The following ROR1 variants were observed in gnomAD, a reference collection of about 807,000 sequenced individuals.
The protein encoded by ROR1 is inactive tyrosine-protein kinase transmembrane receptor ROR1.
A neutral mutation model predicts 78.8 loss-of-function variants in ROR1; 19 were observed. The observed-to-expected ratio is 0.24, with a 90% CI of 0.17 to 0.35. The LOEUF is 0.35. ROR1 is among the 10% of genes least tolerant of loss of function. The pLI, the probability that ROR1 is intolerant of heterozygous loss-of-function variation, is 1.00. For missense variants in ROR1, 917 were observed against 1,177.8 expected (o/e 0.78, Z 3.24); for synonymous variants, 386 against 433.6 (o/e 0.89, Z 1.36).
At chr1:63,844,791 ATT>A (rs1645070976) in intron 1 of ROR1, among the ~76,000 whole-genome samples, 1 of 152,278 alleles carries the variant, frequency 6.6e-6, no homozygotes, top group Non-Finnish European at 1.5e-5. Flanking sequence ...GGCAATCCTA[ATT>A]ACTCCCTTTC....
intron 4 of ROR1, among the ~76,000 whole-genome samples, chr1:64,084,258 G>A (rs771088336): frequency 6.6e-6 from 1 of 152,182 alleles, no homozygotes; most frequent in South Asian, 2.1e-4. Flanking sequence ...TAGGTTGACT[G>A]GAGAAGAAAT....
At chr1:64,018,295 G>T (rs1646537751) in intron 2 of ROR1, among the ~76,000 whole-genome samples, 1 of 152,258 alleles carries the variant, frequency 6.6e-6, no homozygotes, top group South Asian at 2.1e-4. Context: ...TCAGTTTCCT[G>T]CTTCTCCTTC....
chr1:63,974,020 A>T (rs146699768), intron 1 of ROR1, among the ~76,000 whole-genome samples: 114 of 152,364 alleles, frequency 7.5e-4, no homozygotes, highest in Non-Finnish European at 1.3e-3. Context: ...CTAAACACTC[A>T]TAAGTTCATC....
chr1:64,062,346 C>G (rs1206802860), intron 4 of ROR1, among the ~76,000 whole-genome samples: 2 of 152,122 alleles, frequency 1.3e-5, no homozygotes, highest in Non-Finnish European at 2.9e-5. Flanking sequence ...GAGTCTTGCT[C>G]TGTTGCCCAG....
intron 1 of ROR1, among the ~76,000 whole-genome samples, chr1:63,959,183 A>G (rs1646007663): frequency 6.6e-6 from 1 of 152,172 alleles, no homozygotes; most frequent in Non-Finnish European, 1.5e-5. Context: ...CAAAAGGGGG[A>G]AAAGCCCCTT....
At chr1:63,839,320 G>A (rs559709142) in intron 1 of ROR1, among the ~76,000 whole-genome samples, 54 of 151,870 alleles carry the variant, frequency 3.6e-4, no homozygotes, top group African/African-American at 1.2e-3. Context: ...GTAATGTTTT[G>A]GTAAAAGAAT....
chr1:63,774,266 C>T lies in ROR1; in HGVS notation c.-152C>T. ...AGGCGGCCAGGCGGAGGCGAGGGAG[C>T]AGGTTAGAGGGACAAAGAGCTTTGC... is the stretch of plus-strand genomic sequence containing the variant. On this transcript the variant is annotated 5_prime_UTR_variant, in exon 1 of 9. Transcript: ENST00000371079. This position sits in a 1 kb window ranked among gnomAD's most constrained non-coding sequence, Gnocchi z 5.7. 1 of 334,998 alleles carries T rather than the reference C, an allele frequency of 3.0e-6. No homozygotes were observed. Among genetic ancestry groups the T allele is most frequent in the South Asian group, 4.6e-5 (1 of 21,898 alleles). 20.8% of individuals were successfully genotyped at this position (334,998 alleles called of 1,614,324 possible). A position where few individuals can be genotyped will look rare whatever the true frequency, so the allele number is the denominator to read the frequency against.
chr1:63,775,485 G>A (rs1644611301), intron 1 of ROR1: 2 of 152,064 alleles, frequency 1.3e-5, no homozygotes, highest in African/African-American at 4.8e-5. Flanking sequence ...CCCTTGAGGG[G>A]GTGAGGAGCC....
intron 4 of ROR1, among the ~76,000 whole-genome samples, chr1:64,059,178 ATT>A (rs1427239003): frequency 6.6e-6 from 1 of 151,852 alleles, no homozygotes; most frequent in Non-Finnish European, 1.5e-5. Flanking sequence ...AATTTTAATA[ATT>A]TGTGTCTTTT....
chr1:64,033,958 G>A (rs940400384), intron 2 of ROR1, among the ~76,000 whole-genome samples: 1 of 152,150 alleles, frequency 6.6e-6, no homozygotes, highest in Non-Finnish European at 1.5e-5. Flanking sequence ...TCTCTTTACT[G>A]TGATTCAGAT....
intron 1 of ROR1, among the ~76,000 whole-genome samples, chr1:63,782,143 G>A (rs1010462155): frequency 2.0e-4 from 31 of 152,124 alleles, no homozygotes; most frequent in Non-Finnish European, 4.3e-4. Context: ...AGATGAATAA[G>A]GTTAGATCAT....
At chr1:63,946,740 C>A (rs1292865315) in intron 1 of ROR1, among the ~76,000 whole-genome samples, 1 of 152,118 alleles carries the variant, frequency 6.6e-6, no homozygotes, top group African/African-American at 2.4e-5. Flanking sequence ...TACATCCAGG[C>A]TCTGTATATC....
At chr1:63,971,091 G>T (rs1286971343) in intron 1 of ROR1, among the ~76,000 whole-genome samples, 1 of 152,164 alleles carries the variant, frequency 6.6e-6, no homozygotes, top group Non-Finnish European at 1.5e-5. Flanking sequence ...TAAGCCCTCT[G>T]TGATCACATC....
chr1:64,116,700 C>T (rs1464124946), intron 4 of ROR1, among the ~76,000 whole-genome samples: 2 of 152,096 alleles, frequency 1.3e-5, no homozygotes, highest in African/African-American at 4.8e-5. Context: ...TCTACTCTTC[C>T]CTTTGGCACC....
At chr1:64,006,656 T>C (rs766818506) in intron 1 of ROR1, among the ~76,000 whole-genome samples, 4 of 152,238 alleles carry the variant, frequency 2.6e-5, no homozygotes, top group Non-Finnish European at 5.9e-5. Flanking sequence ...CCTGCCATAC[T>C]GCCTATCTGA....
At chr1:63,790,779 G>A (rs991694568) in intron 1 of ROR1, among the ~76,000 whole-genome samples, 1 of 152,122 alleles carries the variant, frequency 6.6e-6, no homozygotes, top group South Asian at 2.1e-4. Context: ...AATTTTGAAA[G>A]AGGTCTCATT....
In ROR1 at chr1:63,815,822, C is replaced by T. The variant is rs987669041; in HGVS notation, c.91+41314C>T. 2.0e-5 allele frequency among the ~76,000 whole-genome samples: 3 copies of T among 152,122 alleles called. No homozygotes were observed. In the East Asian group the frequency reaches 5.8e-4, roughly 30 times the overall value. ...TGAATTACACATACCCAGGTCCTGC[C>T]CAGGACCTACTGACACAGTCCTGGG... On this transcript the variant is annotated intron_variant, in intron 1 of 8. Transcript: ENST00000371079.
chr1:64,051,462 T>TA (rs1252137759), intron 4 of ROR1, among the ~76,000 whole-genome samples: 1 of 30,006 alleles, frequency 3.3e-5, no homozygotes, highest in Admixed American at 5.2e-4. Flanking sequence ...AAATAAAAAA[T>TA]AAAATAAAAT....
At chr1:63,807,685 C>A (rs1644838026) in intron 1 of ROR1, among the ~76,000 whole-genome samples, 1 of 152,060 alleles carries the variant, frequency 6.6e-6, no homozygotes, top group South Asian at 2.1e-4. Context: ...CTCCTGAAGG[C>A]AGGGATGATG....
Sources: allele counts gnomAD v4.1 joint callset (sites outside exome capture counted in the v4.1 genomes callset), GRCh38; gene constraint gnomAD v4.1.1; non-coding constraint Gnocchi (gnomAD v3.1); transcripts MANE v1.5; gene names NCBI Gene and HGNC (gene_info 2026-07-23, HGNC 2026-07-21).